Variants in CLSTN2 observed in about 807,000 individuals in gnomAD.
CLSTN2 encodes calsyntenin-2.
CLSTN2 carries 48 observed loss-of-function variants against 101.2 expected under a neutral mutation model. That is an observed-to-expected ratio of 0.47 (90% confidence interval 0.38 to 0.60). The LOEUF (loss-of-function observed/expected upper bound fraction) is 0.60, where lower values mean the gene tolerates loss of function less well. Among genes scored for constraint, CLSTN2 ranks in the 20% least tolerant of loss-of-function variants. The probability of loss-of-function intolerance (pLI) is 0.00; values close to 1 mark genes in which losing one functional copy is unlikely to be tolerated. For missense variants in CLSTN2, 1,160 were observed against 1,238.2 expected, an observed-to-expected ratio of 0.94 and a Z score of 0.95; for synonymous variants, 481 against 463.6, an observed-to-expected ratio of 1.04 and a Z score of -0.48.
intron 2 of CLSTN2, among the ~76,000 whole-genome samples, chr3:140,359,554 A>G (rs1245515550): frequency 1.3e-5 from 2 of 152,194 alleles, no homozygotes; most frequent in Non-Finnish European, 2.9e-5. Context: ...GTTTATAATA[A>G]CTTAATGGCA....
At chr3:140,424,124 A>G (rs1383738018) in intron 5 of CLSTN2, among the ~76,000 whole-genome samples, 2 of 152,144 alleles carry the variant, frequency 1.3e-5, no homozygotes. Flanking sequence ...GCTGACAATG[A>G]GTTCTTCATC....
At chr3:140,448,813 T>G in intron 6 of CLSTN2, 109 bp downstream of exon 6, 1 of 962,944 alleles carries the variant, frequency 1.0e-6, no homozygotes, top group Non-Finnish European at 1.6e-6. Context: ...CTTCCTGCAC[T>G]GATATGTGTA....
chr3:140,316,740 G>C (rs1317323999), intron 2 of CLSTN2, among the ~76,000 whole-genome samples: 2 of 152,128 alleles, frequency 1.3e-5, no homozygotes, highest in African/African-American at 4.8e-5. Flanking sequence ...AGTAATGTGT[G>C]ACCAGAAGCT....
intron 1 of CLSTN2, among the ~76,000 whole-genome samples, chr3:140,092,087 T>A (rs2008788473): frequency 6.6e-6 from 1 of 152,212 alleles, no homozygotes; most frequent in Non-Finnish European, 1.5e-5. Flanking sequence ...CTGCAAAGGC[T>A]GCTGTGAGAA....
chr3:140,450,872 G>T (rs1933231393), intron 6 of CLSTN2, among the ~76,000 whole-genome samples: 1 of 152,132 alleles, frequency 6.6e-6, no homozygotes, highest in Non-Finnish European at 1.5e-5. Flanking sequence ...CACCAGGCTG[G>T]CAGGGAAGGC....
intron 2 of CLSTN2, among the ~76,000 whole-genome samples, chr3:140,179,522 A>G (rs2010373757): frequency 1.4e-5 from 2 of 146,696 alleles, no homozygotes; most frequent in Admixed American, 7.1e-5. Flanking sequence ...AGTTCCAGCT[A>G]CTCAGGAGGC....
intron 2 of CLSTN2, among the ~76,000 whole-genome samples, chr3:140,380,855 G>A (rs1468621926): frequency 3.3e-5 from 5 of 152,198 alleles, no homozygotes; most frequent in African/African-American, 1.2e-4. Flanking sequence ...CTTATGCGCA[G>A]GACCAAGGTG....
intron 5 of CLSTN2, among the ~76,000 whole-genome samples, chr3:140,422,189 TTC>T (rs3035957): frequency 0.34 from 50,969 of 148,276 alleles, 10,392 homozygotes; most frequent in South Asian, 0.55. Flanking sequence ...CTCTCTTTCT[TTC>T]TCTCTCTCTC....
intron 1 of CLSTN2, among the ~76,000 whole-genome samples, chr3:140,010,185 T>C (rs899259896): frequency 6.6e-6 from 1 of 152,214 alleles, no homozygotes; most frequent in Non-Finnish European, 1.5e-5. Flanking sequence ...AGTAACTGTT[T>C]GCGGTAGGAA....
chr3:140,117,583 G>A (rs1021736548), intron 1 of CLSTN2, among the ~76,000 whole-genome samples: 1 of 152,120 alleles, frequency 6.6e-6, no homozygotes, highest in African/African-American at 2.4e-5. Context: ...GTAGGAGAGG[G>A]GAAGCAGATA....
rs377236270 is a variant in CLSTN2 at position 140,403,806 on chromosome 3, C to A, written c.410C>A (p.Ala137Asp). The change falls in exon 3 of 17, where the codon GCC (alanine) becomes GAC (aspartate). Residue 137 changes from alanine to aspartate, a missense_variant. Ala to Asp is a moderately radical substitution (Grantham distance 126, BLOSUM62 -2). Transcript: ENST00000458420. ...YDCGAGPHET[A>D]WKKSHKAVVH... ...TGTGGTGCTGGGCCCCACGAGACAGCCTGGAAAAAGTCACACAAGTGAGTG... is the reference window on the plus strand; with the variant it reads ...TGTGGTGCTGGGCCCCACGAGACAGACTGGAAAAAGTCACACAAGTGAGTG... 44 of 1,610,440 alleles carry A rather than the reference C, an allele frequency of 2.7e-5. No homozygotes were observed. Among genetic ancestry groups the A allele is most frequent in the Admixed American group, 3.3e-5 (2 of 59,706 alleles).
chr3:140,109,995 A>C, intron 1 of CLSTN2, among the ~76,000 whole-genome samples: 1 of 152,138 alleles, frequency 6.6e-6, no homozygotes, highest in East Asian at 1.9e-4. Flanking sequence ...AGCCCTCATC[A>C]GCCTTCCCAG....
At chr3:140,146,520 C>A (rs932557098) in intron 1 of CLSTN2, among the ~76,000 whole-genome samples, 2 of 152,170 alleles carry the variant, frequency 1.3e-5, no homozygotes, top group African/African-American at 4.8e-5. Flanking sequence ...AAAGCCTACT[C>A]GAGGATTTGC....
At chr3:140,238,335 T>A (rs2086433633) in intron 2 of CLSTN2, among the ~76,000 whole-genome samples, 1 of 152,154 alleles carries the variant, frequency 6.6e-6, no homozygotes, top group African/African-American at 2.4e-5. Flanking sequence ...AGATTATGGT[T>A]CACTCTCTAC....
At chr3:140,360,764 A>G (rs1662572664) in intron 2 of CLSTN2, among the ~76,000 whole-genome samples, 1 of 152,212 alleles carries the variant, frequency 6.6e-6, no homozygotes, top group Non-Finnish European at 1.5e-5. Context: ...GAAATGGAAA[A>G]AAGTCGAAGA....
chr3:140,505,737 C>CAAGGAGGATTCCACCTCTGTTCTCCTAG (rs1553749970), intron 8 of CLSTN2: 6 of 152,112 alleles, frequency 3.9e-5, no homozygotes, highest in African/African-American at 1.4e-4. Flanking sequence ...TTTAAACTTG[C>CAAGGAGGATTCCACCTCTGTTCTCCTAG]AAGGAGGATT....
intron 1 of CLSTN2, among the ~76,000 whole-genome samples, chr3:140,044,563 T>A (rs1433920621): frequency 6.6e-6 from 1 of 152,188 alleles, no homozygotes; most frequent in Non-Finnish European, 1.5e-5. Context: ...CTTCCAACAC[T>A]ATGTTGAATA....
At chr3:140,346,900 A>G (rs78738677) in intron 2 of CLSTN2, among the ~76,000 whole-genome samples, 3,865 of 152,310 alleles carry the variant, frequency 0.025, 159 homozygotes, top group African/African-American at 0.088. Context: ...CACTTACCTT[A>G]CCTAAACTAG....
At chr3:140,124,353 G>A (rs1005472655) in intron 1 of CLSTN2, among the ~76,000 whole-genome samples, 13 of 152,158 alleles carry the variant, frequency 8.5e-5, no homozygotes, top group South Asian at 2.1e-4. Context: ...TTAGTGGACT[G>A]CTGCAGAGGG....
Sources: gnomAD v4.1 joint callset for allele counts (sites outside exome capture counted in the v4.1 genomes callset) on GRCh38, gnomAD v4.1.1 for gene constraint, MANE v1.5 for transcripts, NCBI Gene and HGNC (gene_info 2026-07-23, HGNC 2026-07-21) for gene names.